The following KCNG3 variants were observed in gnomAD, a reference collection of about 807,000 sequenced individuals.
KCNG3 encodes voltage-gated potassium channel regulatory subunit KCNG3.
In KCNG3, 15 loss-of-function variants were observed where a neutral mutation model predicts 29.0. That is an observed-to-expected ratio of 0.52 (90% CI 0.35 to 0.80). KCNG3 has a LOEUF of 0.80. KCNG3 is among the 30% of genes least tolerant of loss of function. The pLI is 0.01. For missense variants in KCNG3, 512 were observed against 605.7 expected, an observed-to-expected ratio of 0.85 and a Z score of 1.62; for synonymous variants, 322 against 248.9, an observed-to-expected ratio of 1.29 and a Z score of -2.76.
At chr2:42,401,715 G>A in the KCNG3 span, among the ~76,000 whole-genome samples, 1 of 152,076 alleles carries the variant, frequency 6.6e-6, no homozygotes, top group Non-Finnish European at 1.5e-5. Flanking sequence ...TGGGATTACG[G>A]ACGTGAGCCA....
At chr2:42,401,376 G>A in the KCNG3 span, among the ~76,000 whole-genome samples, 1 of 150,454 alleles carries the variant, frequency 6.6e-6, no homozygotes, top group South Asian at 2.1e-4. Context: ...TAGACTAGGA[G>A]AAAGGAGCTG....
intron 1 of KCNG3, among the ~76,000 whole-genome samples, chr2:42,480,756 C>A (rs866825610): frequency 1.9e-5 from 2 of 106,294 alleles, no homozygotes; most frequent in Non-Finnish European, 3.7e-5. Context: ...GAAACCCCAT[C>A]TTAAAAAAAA....
intron 1 of KCNG3, among the ~76,000 whole-genome samples, chr2:42,456,725 A>C (rs1017534433): frequency 1.3e-5 from 2 of 152,186 alleles, no homozygotes; most frequent in African/African-American, 4.8e-5. Context: ...GTGCCACAAA[A>C]GGAAAAGTTA....
In KCNG3 at chr2:42,443,791, T is replaced by C. The variant is rs1383306114; in HGVS notation, c.*143A>G. 1 of 714,468 alleles carries C rather than the reference T, an allele frequency of 1.4e-6. No individual in the cohort carries two copies. Among genetic ancestry groups the C allele is most frequent in the Non-Finnish European group, 2.3e-6 (1 of 432,750 alleles). 44.3% of individuals were successfully genotyped at this position (714,468 alleles called of 1,614,324 possible). A position where few individuals can be genotyped will look rare whatever the true frequency, so the allele number is the denominator to read the frequency against. On this transcript the variant is annotated 3_prime_UTR_variant, in exon 2 of 2. Transcript: ENST00000306078. The stretch of plus-strand genomic sequence containing the variant: ...ACTCCATAACAAGTAAACTGTTTTA[T>C]CCCTTCGGCTGGGAAGGATAATTTT...
intron 1 of KCNG3, among the ~76,000 whole-genome samples, chr2:42,466,003 C>T (rs547998049): frequency 6.6e-6 from 1 of 152,318 alleles, no homozygotes; most frequent in South Asian, 2.1e-4. Flanking sequence ...TACAGTCATA[C>T]ACCACATAAT....
At chr2:42,434,944 G>C in the KCNG3 span, among the ~76,000 whole-genome samples, 2 of 152,098 alleles carry the variant, frequency 1.3e-5, no homozygotes, top group Admixed American at 1.3e-4. Context: ...CTTCATAACA[G>C]ATGCAAAAAT....
At chr2:42,469,436 A>T (rs918071104) in intron 1 of KCNG3, among the ~76,000 whole-genome samples, 8 of 150,634 alleles carry the variant, frequency 5.3e-5, no homozygotes, top group African/African-American at 1.7e-4. Flanking sequence ...AAAAAAAAAT[A>T]GGATAGTGAA....
At chr2:42,465,181 A>G (rs1673109963) in intron 1 of KCNG3, among the ~76,000 whole-genome samples, 1 of 151,708 alleles carries the variant, frequency 6.6e-6, no homozygotes, top group Admixed American at 6.6e-5. Context: ...AAACTTTAAG[A>G]TTTTATTTTT....
chr2:42,470,041 C>A (rs1673248170), intron 1 of KCNG3: 3 of 503,022 alleles, frequency 6.0e-6, no homozygotes, highest in Non-Finnish European at 1.1e-5. Flanking sequence ...TTCTTAAGTC[C>A]AAAGGACTTG....
At chr2:42,423,554 T>A in the KCNG3 span, among the ~76,000 whole-genome samples, 1 of 152,238 alleles carries the variant, frequency 6.6e-6, no homozygotes, top group Non-Finnish European at 1.5e-5. Context: ...CTGAACCCTA[T>A]AAGTGTCACA....
Position 42,444,706 on chromosome 2 carries a change from G to C in KCNG3, c.666-127C>G, listed in dbSNP as rs979723107. The stretch of plus-strand genomic sequence containing the variant: ...ACTTTTCCAGAAAACATAAAGAACA[G>C]ACAACATTAGCAACATCATCAGACC... On this transcript the variant is annotated intron_variant, in intron 1 of 1. Coordinates refer to ENST00000306078, the MANE Select transcript of KCNG3 (RefSeq NM_133329.6). This position sits in a 1 kb window ranked among gnomAD's most constrained non-coding sequence, Gnocchi z 5.8. 3 of 815,776 alleles carry C rather than the reference G, an allele frequency of 3.7e-6. No individual in the cohort carries two copies. Among genetic ancestry groups the C allele is most frequent in the African/African-American group, 1.7e-5 (1 of 57,960 alleles). 50.5% of individuals were successfully genotyped at this position (815,776 alleles called of 1,614,324 possible).
At chr2:42,461,375 C>A (rs1475000930) in intron 1 of KCNG3, among the ~76,000 whole-genome samples, 1 of 151,986 alleles carries the variant, frequency 6.6e-6, no homozygotes, top group Non-Finnish European at 1.5e-5. Context: ...TTGCCTGAGG[C>A]TCTTGAGAGT....
At chr2:42,455,448 A>T (rs1672854936) in intron 1 of KCNG3, among the ~76,000 whole-genome samples, 1 of 152,252 alleles carries the variant, frequency 6.6e-6, no homozygotes, top group Non-Finnish European at 1.5e-5. Flanking sequence ...TTACAAGGAC[A>T]ACTATGAAAA....
At chr2:42,491,621 A>T (rs1339814681) in intron 1 of KCNG3, among the ~76,000 whole-genome samples, 2 of 152,258 alleles carry the variant, frequency 1.3e-5, no homozygotes, top group Non-Finnish European at 2.9e-5. Flanking sequence ...TCACTAAACA[A>T]AATGAGTTTC....
intron 1 of KCNG3, among the ~76,000 whole-genome samples, chr2:42,449,908 T>A (rs1394818819): frequency 3.3e-5 from 5 of 152,156 alleles, no homozygotes; most frequent in African/African-American, 1.2e-4. Flanking sequence ...GTTCTCCAGC[T>A]AACATACTCT....
chr2:42,437,815 G>A (rs1475001110), downstream of KCNG3, among the ~76,000 whole-genome samples: 1 of 151,782 alleles, frequency 6.6e-6, no homozygotes, highest in African/African-American at 2.4e-5. Flanking sequence ...GTGGGCGCCT[G>A]TAATCCCAGA....
downstream of KCNG3, among the ~76,000 whole-genome samples, chr2:42,439,342 A>T (rs897614508): frequency 6.6e-6 from 1 of 151,700 alleles, no homozygotes; most frequent in African/African-American, 2.4e-5. Flanking sequence ...GCTCACTGGA[A>T]CCTCCACCTG....
chr2:42,470,860 A>G (rs893227320), intron 1 of KCNG3, among the ~76,000 whole-genome samples: 1 of 151,986 alleles, frequency 6.6e-6, no homozygotes, highest in African/African-American at 2.4e-5. Context: ...TTGTCTCAAA[A>G]AAAAAGAAGT....
intron 1 of KCNG3, among the ~76,000 whole-genome samples, chr2:42,483,572 G>C (rs1404385025): frequency 2.6e-5 from 4 of 152,132 alleles, no homozygotes; most frequent in African/African-American, 9.7e-5. Flanking sequence ...CTAAATCTCA[G>C]GCATAAAACT....
Sources: allele counts gnomAD v4.1 joint callset (sites outside exome capture counted in the v4.1 genomes callset), GRCh38; gene constraint gnomAD v4.1.1; non-coding constraint Gnocchi (gnomAD v3.1); transcripts MANE v1.5; gene names NCBI Gene and HGNC (gene_info 2026-07-23, HGNC 2026-07-21).